The following SPTLC2 variants were observed in gnomAD, a reference collection of about 807,000 sequenced individuals.
SPTLC2 encodes the protein serine palmitoyltransferase long chain base subunit 2.
Under a neutral mutation model 62.0 loss-of-function variants are expected in SPTLC2, and 21 were observed. The observed-to-expected ratio is 0.34, with a 90% CI of 0.24 to 0.49. The LOEUF is 0.49. Among genes scored for constraint, SPTLC2 ranks in the 20% least tolerant of loss-of-function variants. SPTLC2 has a pLI of 0.99. For missense variants in SPTLC2, 511 were observed against 713.0 expected, an observed-to-expected ratio of 0.72 and a Z score of 3.23; for synonymous variants, 261 against 261.8, an observed-to-expected ratio of 1.00 and a Z score of 0.03.
intron 11 of SPTLC2, among the ~76,000 whole-genome samples, chr14:77,514,344 C>A (rs2079348417): frequency 6.6e-6 from 1 of 152,108 alleles, no homozygotes; most frequent in Admixed American, 6.5e-5. Flanking sequence ...ACAAGATTTC[C>A]TTTGATCCCA....
intron 7 of SPTLC2, among the ~76,000 whole-genome samples, chr14:77,556,503 TA>T (rs34526449): frequency 0.39 from 58,563 of 151,958 alleles, 13,305 homozygotes; most frequent in East Asian, 0.87. Context: ...AATTAGGTGG[TA>T]AAAATACGTG....
intron 6 of SPTLC2, among the ~76,000 whole-genome samples, chr14:77,557,510 T>C (rs1359099391): frequency 2.0e-5 from 3 of 152,134 alleles, no homozygotes; most frequent in Non-Finnish European, 2.9e-5. Flanking sequence ...CAGTGAGTCA[T>C]TCGGAAATAA....
chr14:77,513,535 G>T (rs2079343500), intron 11 of SPTLC2, among the ~76,000 whole-genome samples: 1 of 152,164 alleles, frequency 6.6e-6, no homozygotes, highest in Non-Finnish European at 1.5e-5. Flanking sequence ...CTGAAATTAA[G>T]CTGGGAGAAC....
rs532673076 is a variant in SPTLC2 at position 77,511,919 on chromosome 14, T to C, written c.*365A>G. The C allele has an allele frequency of 3.6e-4, 115 of 315,324 alleles. No homozygotes were observed. The highest frequency in any genetic ancestry group is 1.4e-3 in the Admixed American group (32 of 22,634). The allele number at this position is 315,324 out of a possible 1,614,324, so 19.5% of individuals were successfully genotyped here. A position where few individuals can be genotyped will look rare whatever the true frequency, so the allele number is the denominator to read the frequency against. On this transcript the variant is annotated 3_prime_UTR_variant, in exon 12 of 12. Coordinates refer to ENST00000216484, the MANE Select transcript of SPTLC2 (RefSeq NM_004863.4). ...GCGGAGCCAGGGCCAGCAGTAGCTC[T>C]TGATGGGCCCAAGTCTGCAAGGTGC... is the stretch of plus-strand genomic sequence containing the variant.
chr14:77,588,371 G>A (rs1045866781), intron 2 of SPTLC2, among the ~76,000 whole-genome samples: 1 of 151,428 alleles, frequency 6.6e-6, no homozygotes, highest in Non-Finnish European at 1.5e-5. Context: ...CTGAGGAAGT[G>A]TTGAAAATGG....
chr14:77,560,784 C>T (rs139955918), intron 6 of SPTLC2, among the ~76,000 whole-genome samples: 8,720 of 151,936 alleles, frequency 0.057, 816 homozygotes, highest in African/African-American at 0.2. Flanking sequence ...CACATATTCT[C>T]ACTTGTAAGT....
At chr14:77,551,068 C>G (rs926141158) in intron 9 of SPTLC2, among the ~76,000 whole-genome samples, 2 of 152,094 alleles carry the variant, frequency 1.3e-5, no homozygotes, top group African/African-American at 4.8e-5. Flanking sequence ...AAATCTTTTA[C>G]AAATGCCAAA....
At chr14:77,529,890 T>C (rs1185546922) in intron 9 of SPTLC2, among the ~76,000 whole-genome samples, 3 of 152,032 alleles carry the variant, frequency 2.0e-5, no homozygotes, top group Non-Finnish European at 4.4e-5. Context: ...GTAAAGCAAT[T>C]TCTAAGCAGG....
intron 9 of SPTLC2, among the ~76,000 whole-genome samples, chr14:77,531,072 A>G (rs2079436088): frequency 1.3e-5 from 2 of 151,882 alleles, no homozygotes; most frequent in Admixed American, 6.6e-5. Flanking sequence ...ATTTCCTTCC[A>G]TCCTGCATTC....
chr14:77,580,372 C>T (rs562787719), intron 2 of SPTLC2, among the ~76,000 whole-genome samples: 22 of 151,322 alleles, frequency 1.5e-4, no homozygotes, highest in Non-Finnish European at 2.4e-4. Flanking sequence ...ATTCCAGCTA[C>T]TCGGGAGGCT....
chr14:77,599,415 CAATT>C (rs1244139477), intron 1 of SPTLC2, among the ~76,000 whole-genome samples: 7 of 152,154 alleles, frequency 4.6e-5, no homozygotes, highest in East Asian at 3.8e-4. Flanking sequence ...ACTATACAAT[CAATT>C]GTTATACATA....
chr14:77,586,673 C>T (rs1049724629), intron 2 of SPTLC2, among the ~76,000 whole-genome samples: 1 of 152,168 alleles, frequency 6.6e-6, no homozygotes, highest in Middle Eastern at 3.2e-3. Flanking sequence ...ACGCAAAATA[C>T]TTGTAGGATA....
intron 10 of SPTLC2, among the ~76,000 whole-genome samples, chr14:77,520,997 G>A (rs1018112268): frequency 6.6e-6 from 1 of 152,220 alleles, no homozygotes; most frequent in Non-Finnish European, 1.5e-5. Context: ...CCTTCCCAAG[G>A]AGGCTTCCTT....
chr14:77,612,187 T>C (rs1395649729), intron 1 of SPTLC2, among the ~76,000 whole-genome samples: 6 of 152,224 alleles, frequency 3.9e-5, no homozygotes, highest in Admixed American at 1.3e-4. Flanking sequence ...CTGAATTGCC[T>C]ATTCTACCAA....
chr14:77,532,158 T>C (rs2079443899), intron 9 of SPTLC2, among the ~76,000 whole-genome samples: 1 of 152,182 alleles, frequency 6.6e-6, no homozygotes, highest in Non-Finnish European at 1.5e-5. Context: ...GGAAAAATAC[T>C]GAAATTTTTG....
chr14:77,589,767 G>A (rs2079804869), intron 2 of SPTLC2, among the ~76,000 whole-genome samples: 1 of 150,050 alleles, frequency 6.7e-6, no homozygotes, highest in Admixed American at 6.8e-5. Context: ...TCCATCCTGG[G>A]CGACAGAGCG....
At chr14:77,612,800 A>G (rs183411277) in intron 1 of SPTLC2, among the ~76,000 whole-genome samples, 83 of 152,348 alleles carry the variant, frequency 5.4e-4, no homozygotes, top group Non-Finnish European at 3.7e-4. Flanking sequence ...ATTATTTAAC[A>G]TAAGAACACA....
At chr14:77,559,466 GA>G (rs1264155392) in intron 6 of SPTLC2, among the ~76,000 whole-genome samples, 3 of 151,960 alleles carry the variant, frequency 2.0e-5, no homozygotes, top group African/African-American at 7.3e-5. Context: ...AAACATGAAA[GA>G]ATAACATTAT....
chr14:77,555,052 A>T, intron 8 of SPTLC2: 1 of 513,850 alleles, frequency 1.9e-6, no homozygotes, highest in Non-Finnish European at 3.5e-6. Context: ...TTCACACAAG[A>T]GGGTATTCTA....
Sources: allele counts gnomAD v4.1 joint callset (sites outside exome capture counted in the v4.1 genomes callset), GRCh38; gene constraint gnomAD v4.1.1; transcripts MANE v1.5; gene names NCBI Gene and HGNC (gene_info 2026-07-23, HGNC 2026-07-21).